Variants in METTL22 observed in about 807,000 individuals in gnomAD.
METTL22 encodes methyltransferase-like protein 22.
A neutral mutation model predicts 48.4 loss-of-function variants in METTL22; 51 were observed. The observed-to-expected ratio is 1.05, with a 90% CI of 0.84 to 1.33. METTL22 has a LOEUF of 1.33. Among genes scored for constraint, METTL22 ranks in the 40% most tolerant of loss-of-function variants. The pLI is 0.00. For synonymous variants in METTL22, 255 were observed against 214.1 expected (o/e 1.19, Z -1.67); for missense variants, 678 against 526.9 (o/e 1.29, Z -2.81).
chr16:8,622,399 C>A (rs923778220), intron 1 of METTL22, among the ~76,000 whole-genome samples: 7 of 152,196 alleles, frequency 4.6e-5, no homozygotes, highest in African/African-American at 9.7e-5. Context: ...CTAGCCCCCA[C>A]AGCCTTAGAA....
rs1275030846 is a variant in METTL22, at chr16:8,642,110, C to G, written c.827-17C>G. ...GAGAAGGCAATGGGCACAAAGTGTGCTTTTGTTCTTTCTTAGATCCCAAGG... is the reference window on the plus strand; with the variant it reads ...GAGAAGGCAATGGGCACAAAGTGTGGTTTTGTTCTTTCTTAGATCCCAAGG... On this transcript the variant is annotated splice_polypyrimidine_tract_variant and intron_variant, in intron 7 of 10. Transcript: ENST00000381920. 1 of 1,599,284 alleles carries G rather than the reference C, an allele frequency of 6.3e-7. No homozygotes were observed. The highest frequency in any genetic ancestry group is 8.6e-7 in the Non-Finnish European group (1 of 1,166,372).
chr16:8,629,159 G>GCACC, intron 3 of METTL22, 49 bp downstream of exon 3: 1 of 1,578,988 alleles, frequency 6.3e-7, no homozygotes, highest in Non-Finnish European at 8.6e-7. Flanking sequence ...CAACTCCGCA[G>GCACC]TGTCACTGCT....
chr16:8,635,286 C>T lies in METTL22; in HGVS notation c.674C>T (p.Thr225Ile). Residue 225 changes from threonine to isoleucine, a missense_variant, in exon 5 of 11, where the codon ACC (threonine) becomes ATC (isoleucine). Transcript: ENST00000381920. ...GGGCTCGCTAGCATCATCGCAGCCA[C>T]CATGGCACGGACCGTTTATTGTACA... ...GTGLASIIAA[T>I]MARTVYCTDV... 1 of 1,594,448 alleles carries T rather than the reference C, an allele frequency of 6.3e-7. No individual in the cohort carries two copies. Among genetic ancestry groups the T allele is most frequent in the Non-Finnish European group, 8.5e-7 (1 of 1,170,950 alleles).
At chr16:8,652,296 C>G (rs1187909834), downstream of METTL22, among the ~76,000 whole-genome samples, 1 of 146,982 alleles carries the variant, frequency 6.8e-6, no homozygotes, top group Non-Finnish European at 1.5e-5. Context: ...CCATCTCTAC[C>G]AAAAATACAA....
downstream of METTL22, among the ~76,000 whole-genome samples, chr16:8,651,379 T>A (rs1435168369): frequency 1.9e-3 from 1 of 538 alleles, no homozygotes; most frequent in African/African-American, 2.2e-3. Flanking sequence ...AGAGCAAGAC[T>A]CTGTCTCAAA....
At position 8,642,486 on chromosome 16, in the gene METTL22, G is replaced by A; in HGVS notation, c.931G>A (p.Asp311Asn). 1 of 1,614,212 alleles carries A rather than the reference G, an allele frequency of 6.2e-7. No individual in the cohort carries two copies. The highest frequency in any genetic ancestry group is 8.5e-7 in the Non-Finnish European group (1 of 1,180,042). The change falls in exon 9 of 11, where the codon GAT becomes AAT. Residue 311 changes from aspartate to asparagine, a missense_variant. Asp to Asn is a conservative substitution (Grantham distance 23, BLOSUM62 1). Transcript: ENST00000381920. ...AEVFYDDDLT[D>N]AVFKTLSRLA... is the part of the protein sequence containing the mutation. Reference sequence around the variant, plus strand: ...AGTGTTTTACGACGACGACTTGACTGATGCTGTGTTTAAAACGCTCTCCCG... The same window carrying A: ...AGTGTTTTACGACGACGACTTGACTAATGCTGTGTTTAAAACGCTCTCCCG...
At chr16:8,629,855 G>A (rs1219754963) in intron 3 of METTL22, among the ~76,000 whole-genome samples, 2 of 152,162 alleles carry the variant, frequency 1.3e-5, no homozygotes, top group African/African-American at 2.4e-5. Context: ...AGCACCTATC[G>A]TGTTTTGGAT....
downstream of METTL22, among the ~76,000 whole-genome samples, chr16:8,651,270 C>T (rs1391329838): frequency 6.9e-6 from 1 of 145,848 alleles, no homozygotes; most frequent in Non-Finnish European, 1.5e-5. Context: ...ACCTGTAGTC[C>T]CAGCTATTCG....
At chr16:8,656,317 C>A in the METTL22 span, among the ~76,000 whole-genome samples, 3 of 152,140 alleles carry the variant, frequency 2.0e-5, no homozygotes, top group Admixed American at 2.0e-4. Context: ...ATGCCACTTC[C>A]AGGGATTAGT....
In METTL22 at chr16:8,644,690, C is replaced by T; in HGVS notation, c.1144C>T (p.Pro382Ser). ...FVVEPVEASF[P>S]QLLVYERLQQ... ...GGTGGAGCCCGTGGAGGCCTCCTTC[C>T]CACAGCTCCTGGTTTACGAGCGCCT... Residue 382 changes from proline (P) to serine (S), a missense_variant, in exon 10 of 11, where the codon CCA (proline) becomes TCA (serine). Physicochemically the swap from Pro to Ser is moderately conservative, Grantham distance 74. Coordinates refer to ENST00000381920, the MANE Select transcript of METTL22 (RefSeq NM_024109.4). 1 of 1,603,318 alleles carries T rather than the reference C, an allele frequency of 6.2e-7. No homozygotes were observed. Among genetic ancestry groups the T allele is most frequent in the Non-Finnish European group, 8.5e-7 (1 of 1,174,720 alleles).
rs918092468 is a variant in METTL22 at position 8,648,926 on chromosome 16, T to C, written c.*2783T>C. 5 of 152,242 alleles carry C rather than the reference T, an allele frequency of 3.3e-5. No individual in the cohort carries two copies. Among genetic ancestry groups the C allele is most frequent in the Admixed American group, 2.6e-4 (4 of 15,284 alleles). 9.4% of individuals were successfully genotyped at this position (152,242 alleles called of 1,614,324 possible). A position where few individuals can be genotyped will look rare whatever the true frequency, so the allele number is the denominator to read the frequency against. Reference sequence around the variant, plus strand: ...ACATAGCCCTCAACCTATTGCTGTTTTCTAAAATTCCTACACAAACTCCGT... The same window carrying C: ...ACATAGCCCTCAACCTATTGCTGTTCTCTAAAATTCCTACACAAACTCCGT... On this transcript the variant is annotated 3_prime_UTR_variant, in exon 11 of 11. Transcript: ENST00000381920.
intron 2 of METTL22, 67 bp from the exon 3 acceptor site, chr16:8,628,663 G>C: frequency 6.5e-7 from 1 of 1,527,250 alleles, no homozygotes; most frequent in Non-Finnish European, 8.8e-7. Context: ...TATTCTCAAA[G>C]AAGAAGAGGA....
intron 3 of METTL22, among the ~76,000 whole-genome samples, chr16:8,630,666 T>A (rs1376968759): frequency 1.3e-5 from 2 of 152,132 alleles, no homozygotes; most frequent in Non-Finnish European, 1.5e-5. Flanking sequence ...GAATTTACCA[T>A]TGTATGAGCT....
At chr16:8,627,144 C>T (rs1244137599) in intron 2 of METTL22, among the ~76,000 whole-genome samples, 1 of 152,116 alleles carries the variant, frequency 6.6e-6, no homozygotes. Flanking sequence ...CCCCGCTTAT[C>T]TCTGCAGCAG....
chr16:8,646,658 G>A lies in METTL22; in HGVS notation c.*515G>A. The A allele has an allele frequency of 2.2e-6, 1 of 458,226 alleles. No homozygotes were observed. Among genetic ancestry groups the A allele is most frequent in the South Asian group, 1.5e-5 (1 of 64,584 alleles). 28.4% of individuals were successfully genotyped at this position (458,226 alleles called of 1,614,324 possible). On this transcript the variant is annotated 3_prime_UTR_variant, in exon 11 of 11. Transcript: ENST00000381920. ...CCATGAGAAGGAAGAGGCAGGAGCT[G>A]GCGCCAGGAATGGACTGGCATTGGC...
At chr16:8,629,981 CCA>C (rs1362539734) in intron 3 of METTL22, among the ~76,000 whole-genome samples, 2 of 151,922 alleles carry the variant, frequency 1.3e-5, no homozygotes, top group Non-Finnish European at 2.9e-5. Context: ...AGCTTCGAAT[CCA>C]CACAGTGTCC....
In METTL22 at chr16:8,641,185, G is replaced by C. The variant is rs1284024368; in HGVS notation, c.826+1G>C. The C allele has an allele frequency of 6.2e-7, 1 of 1,613,946 alleles. No homozygotes were observed. The highest frequency in any genetic ancestry group is 1.1e-5 in the South Asian group (1 of 91,072). On this transcript the variant is annotated splice_donor_variant, in intron 7 of 10. Coordinates refer to ENST00000381920, the MANE Select transcript of METTL22 (RefSeq NM_024109.4). LOFTEE classifies it high-confidence loss of function. ...TGGCTGAAGGACGACCTCTGCACAG[G>C]TGTGTGTTTCTCTCGGACGTCCCCC...
intron 5 of METTL22, among the ~76,000 whole-genome samples, chr16:8,638,094 C>T (rs2056476780): frequency 7.2e-6 from 1 of 139,368 alleles, no homozygotes; most frequent in Non-Finnish European, 1.5e-5. Flanking sequence ...TTGCAGTGAG[C>T]CAAGGTTGCA....
At chr16:8,631,772 C>G (rs1169621616) in intron 3 of METTL22, 3 of 152,218 alleles carry the variant, frequency 2.0e-5, no homozygotes, top group African/African-American at 7.2e-5. Flanking sequence ...GGGATAGTTC[C>G]TCAGGCTGGT....
Sources: gnomAD v4.1 joint callset for allele counts (sites outside exome capture counted in the v4.1 genomes callset) on GRCh38, gnomAD v4.1.1 for gene constraint, MANE v1.5 for transcripts, NCBI Gene and HGNC (gene_info 2026-07-23, HGNC 2026-07-21) for gene names.